EMID1: variants seen among roughly 807,000 people sequenced by gnomAD.
The protein encoded by EMID1 is EMI domain containing 1.
In EMID1, 40 loss-of-function variants were observed where a neutral mutation model predicts 60.6. The observed-to-expected ratio is 0.66, with a 90% CI of 0.51 to 0.86. The LOEUF (loss-of-function observed/expected upper bound fraction) is 0.86. Ranked by LOEUF, EMID1 falls within the 40% of genes least tolerant of loss-of-function variation. The pLI is 0.00. For synonymous variants in EMID1, 242 were observed against 231.0 expected (o/e 1.05, Z -0.43); for missense variants, 585 against 597.1 (o/e 0.98, Z 0.21).
chr22:29,238,562 C>T (rs1322716355), intron 12 of EMID1, among the ~76,000 whole-genome samples: 1 of 142,676 alleles, frequency 7.0e-6, no homozygotes, highest in Non-Finnish European at 1.5e-5. Flanking sequence ...GGATTACAGG[C>T]ACCTGCCATC....
At chr22:29,210,531 C>T (rs1006426628) in intron 1 of EMID1, among the ~76,000 whole-genome samples, 2 of 151,680 alleles carry the variant, frequency 1.3e-5, no homozygotes, top group Non-Finnish European at 2.9e-5. Context: ...CCACTGCGCC[C>T]GGCCAACAAT....
intron 13 of EMID1, among the ~76,000 whole-genome samples, chr22:29,250,087 A>T (rs1034188299): frequency 6.6e-6 from 1 of 152,186 alleles, no homozygotes; most frequent in Non-Finnish European, 1.5e-5. Flanking sequence ...TACAAAAAAA[A>T]TAAAAAAATT....
chr22:29,223,642 G>A (rs139719116), intron 3 of EMID1, among the ~76,000 whole-genome samples: 66 of 152,334 alleles, frequency 4.3e-4, no homozygotes, highest in African/African-American at 1.4e-3. Context: ...AACTGATGCC[G>A]AGTTGCCTCT....
chr22:29,223,102 A>T (rs1422995600), intron 3 of EMID1, among the ~76,000 whole-genome samples: 1 of 152,140 alleles, frequency 6.6e-6, no homozygotes, highest in African/African-American at 2.4e-5. Flanking sequence ...AAAAAAAAAG[A>T]AGTTTTATAC....
chr22:29,247,158 A>T (rs537154628), intron 13 of EMID1, among the ~76,000 whole-genome samples: 1 of 151,822 alleles, frequency 6.6e-6, no homozygotes, highest in East Asian at 1.9e-4. Flanking sequence ...TTTAGTAGAG[A>T]TGGGTTTGCG....
intron 13 of EMID1, among the ~76,000 whole-genome samples, chr22:29,244,997 GCAC>G (rs2041281509): frequency 6.6e-6 from 1 of 152,102 alleles, no homozygotes; most frequent in South Asian, 2.1e-4. Context: ...GATGTGGGTG[GCAC>G]CCAGTGCCTG....
At chr22:29,248,018 C>T (rs1235834661) in intron 13 of EMID1, among the ~76,000 whole-genome samples, 3 of 146,048 alleles carry the variant, frequency 2.1e-5, no homozygotes, top group Non-Finnish European at 4.5e-5. Flanking sequence ...GTGGCTTGAT[C>T]TCGGCTCACT....
chr22:29,230,803 T>A (rs533638096), intron 5 of EMID1, among the ~76,000 whole-genome samples: 9 of 152,230 alleles, frequency 5.9e-5, no homozygotes, highest in East Asian at 3.9e-4. Flanking sequence ...AATTTTTTTT[T>A]AAATTTGCCA....
chr22:29,224,319 G>A (rs1265644223), intron 3 of EMID1, among the ~76,000 whole-genome samples: 3 of 152,230 alleles, frequency 2.0e-5, no homozygotes, highest in East Asian at 1.9e-4. Context: ...AGGAAGGCCT[G>A]GGGGGCTGAG....
At chr22:29,231,896 A>G in intron 7 of EMID1, 1 of 560,554 alleles carries the variant, frequency 1.8e-6, no homozygotes, top group Non-Finnish European at 3.1e-6. Flanking sequence ...ACCTACACTT[A>G]TCAGGCTCTG....
intron 12 of EMID1, among the ~76,000 whole-genome samples, chr22:29,235,632 A>T (rs987926877): frequency 1.3e-5 from 2 of 151,992 alleles, no homozygotes; most frequent in African/African-American, 4.8e-5. Context: ...ACTCCTGGGC[A>T]CATAGTGAAT....
At chr22:29,215,761 C>A in intron 3 of EMID1, 131 bp downstream of exon 3, 1 of 719,612 alleles carries the variant, frequency 1.4e-6, no homozygotes, top group Non-Finnish European at 2.4e-6. Context: ...CTGCACAGAG[C>A]CTGGCTCAGA....
chr22:29,214,208 G>A (rs957724661), intron 1 of EMID1, among the ~76,000 whole-genome samples: 9 of 152,186 alleles, frequency 5.9e-5, no homozygotes, highest in Admixed American at 2.6e-4. Flanking sequence ...TGGCGGAGGG[G>A]GCAGGCACAA....
intron 14 of EMID1, among the ~76,000 whole-genome samples, chr22:29,257,421 G>A (rs34662558): frequency 0.032 from 4,888 of 152,250 alleles, 98 homozygotes; most frequent in Non-Finnish European, 0.049. Context: ...GAGCGATGCC[G>A]TGGCCATTTT....
intron 7 of EMID1, 72 bp downstream of exon 7, chr22:29,231,754 T>TG: frequency 7.3e-7 from 1 of 1,371,076 alleles, no homozygotes; most frequent in Non-Finnish European, 9.6e-7. Flanking sequence ...TCCCTGCTCC[T>TG]GACATGGCCA....
At position 29,233,507 on chromosome 22, in the gene EMID1, G is replaced by A. The variant is rs1169131661; in HGVS notation, c.913+39G>A. On this transcript the variant is annotated intron_variant, in intron 9 of 14. Coordinates refer to ENST00000334018, the MANE Select transcript of EMID1 (RefSeq NM_133455.4). ...AGGCCAGGGGTAAAGGGTGAAGTTG[G>A]TAGATGGCAGAGGGAATAGGGTTTG... is the stretch of plus-strand genomic sequence containing the variant. 3 of 1,610,550 alleles carry A rather than the reference G, an allele frequency of 1.9e-6. No homozygotes were observed. In the South Asian group the frequency reaches 3.3e-5, roughly 18 times the overall value.
chr22:29,226,437 G>T, intron 4 of EMID1, 53 bp from the exon 5 acceptor site: 1 of 1,590,600 alleles, frequency 6.3e-7, no homozygotes, highest in Non-Finnish European at 8.6e-7. Context: ...GAAGGGTTCT[G>T]AGGGGAAGCC....
In EMID1 at chr22:29,215,512, T is replaced by C. The variant is rs2040049234; in HGVS notation, c.216-15T>C. 1 of 1,612,498 alleles carries C rather than the reference T, an allele frequency of 6.2e-7. No individual in the cohort carries two copies. ...AGGACCCTGTCTCAGCTGGGCCACC[T>C]GGGGACTCTTTCAGCTACAGAACTG... On this transcript the variant is annotated splice_polypyrimidine_tract_variant and intron_variant, in intron 2 of 14. Transcript: ENST00000334018.
chr22:29,212,540 G>A (rs1365013051), intron 1 of EMID1, among the ~76,000 whole-genome samples: 1 of 151,252 alleles, frequency 6.6e-6, no homozygotes, highest in Non-Finnish European at 1.5e-5. Flanking sequence ...CTGGACCCCA[G>A]AGTCTCAGTC....
Sources: allele counts gnomAD v4.1 joint callset (sites outside exome capture counted in the v4.1 genomes callset), GRCh38; gene constraint gnomAD v4.1.1; transcripts MANE v1.5; gene names NCBI Gene and HGNC (gene_info 2026-07-23, HGNC 2026-07-21).